SLC35F4: variants seen among roughly 807,000 people sequenced by gnomAD.
SLC35F4 encodes the protein solute carrier family 35 member F4.
A neutral mutation model predicts 44.2 loss-of-function variants in SLC35F4; 24 were observed. The ratio of observed to expected loss-of-function variants is 0.54; its 90% confidence interval spans 0.39 to 0.76. SLC35F4 has a LOEUF of 0.76. Ranked by LOEUF, SLC35F4 falls within the 30% of genes least tolerant of loss-of-function variation. SLC35F4 has a pLI of 0.00. For missense variants in SLC35F4, 562 were observed against 586.1 expected (o/e 0.96, Z 0.42); for synonymous variants, 238 against 223.6 (o/e 1.06, Z -0.57).
At chr14:57,657,649 T>C (rs1266417442) in intron 1 of SLC35F4, among the ~76,000 whole-genome samples, 1 of 152,092 alleles carries the variant, frequency 6.6e-6, no homozygotes, top group African/African-American at 2.4e-5. Flanking sequence ...GTTTATACTA[T>C]GAGGTGAGGC....
At chr14:57,868,820 T>C (rs1259858631), upstream of SLC35F4, among the ~76,000 whole-genome samples, 4 of 152,166 alleles carry the variant, frequency 2.6e-5, no homozygotes, top group African/African-American at 4.8e-5. Flanking sequence ...CTACCAGTTT[T>C]CACAAACCCA....
chr14:57,711,518 G>A (rs1159730366), intron 1 of SLC35F4, among the ~76,000 whole-genome samples: 1 of 152,102 alleles, frequency 6.6e-6, no homozygotes, highest in Non-Finnish European at 1.5e-5. Context: ...GTACAATAAT[G>A]GAAATTTAAT....
intron 1 of SLC35F4, among the ~76,000 whole-genome samples, chr14:57,882,631 C>T (rs1197985243): frequency 6.6e-6 from 1 of 152,090 alleles, no homozygotes; most frequent in Non-Finnish European, 1.5e-5. Flanking sequence ...TGGAATGAAA[C>T]AAATTACCTC....
At chr14:57,617,403 T>C (rs2071905497) in intron 1 of SLC35F4, among the ~76,000 whole-genome samples, 1 of 152,048 alleles carries the variant, frequency 6.6e-6, no homozygotes. Flanking sequence ...GTGCTGGGAT[T>C]ACAAGCATGA....
intron 1 of SLC35F4, among the ~76,000 whole-genome samples, chr14:57,888,898 T>C (rs1440631905): frequency 6.6e-6 from 1 of 152,188 alleles, no homozygotes. Context: ...ATACCAAATA[T>C]AAATAATTTG....
intron 1 of SLC35F4, among the ~76,000 whole-genome samples, chr14:57,685,072 A>T (rs1018267652): frequency 6.6e-6 from 1 of 152,168 alleles, no homozygotes; most frequent in African/African-American, 2.4e-5. Flanking sequence ...ATAAAAGAGT[A>T]TATAAATATA....
At chr14:57,626,015 A>G (rs2072457909) in intron 1 of SLC35F4, among the ~76,000 whole-genome samples, 1 of 151,516 alleles carries the variant, frequency 6.6e-6, no homozygotes, top group Admixed American at 6.6e-5. Flanking sequence ...AGTTCATGTC[A>G]TTTGCAGGGA....
At chr14:57,919,724 A>T (rs1327950374) in intron 1 of SLC35F4, among the ~76,000 whole-genome samples, 1 of 152,178 alleles carries the variant, frequency 6.6e-6, no homozygotes, top group South Asian at 2.1e-4. Context: ...GACAGCCGGG[A>T]TGTGCAGAGA....
chr14:57,776,537 G>A (rs1479106487), intron 1 of SLC35F4, among the ~76,000 whole-genome samples: 8 of 151,812 alleles, frequency 5.3e-5, no homozygotes, highest in African/African-American at 1.9e-4. Flanking sequence ...GTGGTGGCAC[G>A]CGCCTGCAAT....
At chr14:57,725,889 C>G (rs541940583) in intron 1 of SLC35F4, among the ~76,000 whole-genome samples, 7 of 152,214 alleles carry the variant, frequency 4.6e-5, no homozygotes, top group Non-Finnish European at 7.3e-5. Flanking sequence ...TAGTGATTCA[C>G]TAGCAAAATT....
rs2070356187 is a variant in SLC35F4 at position 57,594,118 on chromosome 14, G to C, written c.110C>G (p.Ser37Cys). The change falls in exon 2 of 8, where the codon TCC becomes TGC. Residue 37 changes from serine to cysteine, a missense_variant. By Grantham distance (112) the Ser-to-Cys change is moderately radical. Transcript: ENST00000556826. ...TTTACATCTAGTGACTGATGATCTG[G>C]AGGTACCTGGAAAGACAGAGTTCAC... The part of the protein sequence containing the change: ...YPGYSSQKST[S>C]RSSVTRCKPG... The C allele has an allele frequency of 6.2e-7, 1 of 1,613,478 alleles. No individual in the cohort carries two copies. The highest frequency in any genetic ancestry group is 8.5e-7 in the Non-Finnish European group (1 of 1,179,688).
chr14:57,690,926 C>A (rs1005304379), intron 1 of SLC35F4, among the ~76,000 whole-genome samples: 12 of 152,146 alleles, frequency 7.9e-5, no homozygotes, highest in Non-Finnish European at 1.3e-4. Context: ...CCGCTGCTCA[C>A]CTCCTGCTGT....
At chr14:57,670,426 G>A (rs1045282390) in intron 1 of SLC35F4, among the ~76,000 whole-genome samples, 4 of 151,650 alleles carry the variant, frequency 2.6e-5, no homozygotes, top group African/African-American at 9.7e-5. Context: ...GTGATGTTAG[G>A]GTGTTAATTT....
At chr14:57,803,582 CTTTTTTT>C (rs532690276) in intron 1 of SLC35F4, among the ~76,000 whole-genome samples, 1 of 79,448 alleles carries the variant, frequency 1.3e-5, no homozygotes, top group African/African-American at 5.8e-5. Flanking sequence ...AAAGCTTCTT[CTTTTTTT>C]TTTTTTTTTT....
intron 4 of SLC35F4, among the ~76,000 whole-genome samples, chr14:57,576,880 A>G (rs1197621085): frequency 6.6e-6 from 1 of 152,204 alleles, no homozygotes; most frequent in Non-Finnish European, 1.5e-5. Flanking sequence ...GGGTAGACAC[A>G]TTGACTGCAC....
intron 1 of SLC35F4, among the ~76,000 whole-genome samples, chr14:57,712,442 TA>T (rs2075837813): frequency 6.6e-6 from 1 of 152,222 alleles, no homozygotes; most frequent in South Asian, 2.1e-4. Context: ...ATTGCATGTT[TA>T]TAAGAGCCAA....
intron 1 of SLC35F4, among the ~76,000 whole-genome samples, chr14:57,946,858 A>C (rs1890042740): frequency 6.6e-6 from 1 of 152,154 alleles, no homozygotes; most frequent in South Asian, 2.1e-4. Flanking sequence ...CTGTTTTGCT[A>C]ACTATAGCCT....
rs182513633 is a variant in SLC35F4 at position 57,735,769 on chromosome 14, C to T, written c.103+129954G>A. Among the ~76,000 whole-genome samples the T allele has an allele frequency of 2.0e-5, 3 of 151,492 alleles. No individual in the cohort carries two copies. In the East Asian group the frequency reaches 5.8e-4, roughly 29 times the overall value. ...ACAGAGCTTCACTCTATCACTCAGG[C>T]TGAAGTGCAGTGGTGCAATCATAGC... On this transcript the variant is annotated intron_variant, in intron 1 of 7. Transcript: ENST00000556826.
intron 1 of SLC35F4, among the ~76,000 whole-genome samples, chr14:57,665,474 G>T (rs920352710): frequency 6.6e-6 from 1 of 152,140 alleles, no homozygotes; most frequent in African/African-American, 2.4e-5. Context: ...AAAGTTCAGG[G>T]ATGATAAATA....
Sources: allele counts gnomAD v4.1 joint callset (sites outside exome capture counted in the v4.1 genomes callset), GRCh38; gene constraint gnomAD v4.1.1; transcripts MANE v1.5; gene names NCBI Gene and HGNC (gene_info 2026-07-23, HGNC 2026-07-21).